HMGB1: variants seen among roughly 807,000 people sequenced by gnomAD.
HMGB1 encodes high mobility group box 1, also known as high mobility group protein B1.
For synonymous variants in HMGB1, 81 were observed against 84.0 expected (o/e 0.96, Z 0.19); for missense variants, 79 against 253.5 (o/e 0.31, Z 4.67).
chr13:30,505,409 A>G (rs1371416882), intron 1 of HMGB1, among the ~76,000 whole-genome samples: 2 of 150,158 alleles, frequency 1.3e-5, no homozygotes, highest in Admixed American at 6.6e-5. Flanking sequence ...CCATCTCCTG[A>G]CCTCGTGATC....
At chr13:30,550,444 A>G (rs372534055) in intron 1 of HMGB1, among the ~76,000 whole-genome samples, 15 of 152,298 alleles carry the variant, frequency 9.8e-5, no homozygotes, top group African/African-American at 3.6e-4. Context: ...CCTCCCTGAC[A>G]TGGTGGGGAG....
At chr13:30,465,653 G>GC (rs1209009190) in intron 1 of HMGB1, 143 bp downstream of exon 1, 16 of 234,512 alleles carry the variant, frequency 6.8e-5, no homozygotes, top group African/African-American at 3.5e-4. Flanking sequence ...CTCGCTCCGT[G>GC]CGCAGTTCCC....
At chr13:30,568,824 G>A (rs944791154) in intron 1 of HMGB1, among the ~76,000 whole-genome samples, 2 of 152,088 alleles carry the variant, frequency 1.3e-5, no homozygotes, top group Non-Finnish European at 2.9e-5. Context: ...AAGCCACCAA[G>A]TTTGTGTGTC....
intron 1 of HMGB1, among the ~76,000 whole-genome samples, chr13:30,527,131 C>T (rs1019493748): frequency 3.3e-5 from 5 of 152,200 alleles, no homozygotes; most frequent in African/African-American, 7.2e-5. Flanking sequence ...GCTGTGCATC[C>T]GGTGCTGAAC....
intron 1 of HMGB1, among the ~76,000 whole-genome samples, chr13:30,494,127 T>C (rs912963076): frequency 1.2e-4 from 18 of 152,186 alleles, no homozygotes; most frequent in Non-Finnish European, 2.1e-4. Flanking sequence ...ACTTCACATT[T>C]CTCCAACTGA....
chr13:30,593,589 A>G (rs1349991953), intron 1 of HMGB1, among the ~76,000 whole-genome samples: 1 of 152,154 alleles, frequency 6.6e-6, no homozygotes, highest in African/African-American at 2.4e-5. Context: ...TACTCTAAAC[A>G]TTTTCTAGGA....
chr13:30,575,178 G>T (rs7334905), intron 1 of HMGB1, among the ~76,000 whole-genome samples: 70,614 of 152,020 alleles, frequency 0.46, 18,831 homozygotes, highest in African/African-American at 0.73. Flanking sequence ...TCATGCTTAT[G>T]TAGTTAGTAA....
At chr13:30,482,953 ATTT>A (rs33960064) in intron 1 of HMGB1, among the ~76,000 whole-genome samples, 1 of 143,078 alleles carries the variant, frequency 7.0e-6, no homozygotes, top group South Asian at 2.3e-4. Flanking sequence ...AACACCAGCT[ATTT>A]TTTTTTTTTT....
chr13:30,550,980 C>T (rs1014056521), intron 1 of HMGB1, among the ~76,000 whole-genome samples: 2 of 152,166 alleles, frequency 1.3e-5, no homozygotes, highest in Non-Finnish European at 2.9e-5. Context: ...TTTAGATTGC[C>T]AGGTAAACCA....
chr13:30,547,551 G>A (rs1593304395), intron 1 of HMGB1, among the ~76,000 whole-genome samples: 2 of 152,180 alleles, frequency 1.3e-5, no homozygotes, highest in African/African-American at 2.4e-5. Flanking sequence ...CTGAGTTTGG[G>A]GTGGTTTGCT....
At chr13:30,615,038 A>G (rs985521539) in intron 1 of HMGB1, among the ~76,000 whole-genome samples, 1 of 152,100 alleles carries the variant, frequency 6.6e-6, no homozygotes, top group Admixed American at 6.6e-5. Flanking sequence ...TAAATTTTAG[A>G]GTCTAATGTA....
intron 1 of HMGB1, among the ~76,000 whole-genome samples, chr13:30,505,379 C>T (rs540122527): frequency 1.3e-3 from 202 of 151,934 alleles, no homozygotes; most frequent in East Asian, 3.7e-3. Context: ...AGGGTTTCAC[C>T]GTGTTAGCCA....
intron 1 of HMGB1, among the ~76,000 whole-genome samples, chr13:30,604,420 G>A (rs562641842): frequency 2.0e-5 from 3 of 152,316 alleles, no homozygotes; most frequent in African/African-American, 7.2e-5. Flanking sequence ...GCAATGTCTG[G>A]TGACATTTCT....
upstream of HMGB1, among the ~76,000 whole-genome samples, chr13:30,466,383 G>A (rs527243638): frequency 6.2e-4 from 94 of 151,852 alleles, no homozygotes; most frequent in Non-Finnish European, 1.2e-3. Flanking sequence ...AAGTGAGGGC[G>A]ACACTATGGG....
At chr13:30,610,099 C>CT (rs535494521) in intron 1 of HMGB1, among the ~76,000 whole-genome samples, 1 of 151,796 alleles carries the variant, frequency 6.6e-6, no homozygotes, top group Non-Finnish European at 1.5e-5. Flanking sequence ...TTCTTAGTAA[C>CT]TTTTTTTCTC....
intron 1 of HMGB1, among the ~76,000 whole-genome samples, chr13:30,512,388 A>G (rs894978940): frequency 5.3e-5 from 8 of 152,184 alleles, no homozygotes; most frequent in Admixed American, 2.0e-4. Flanking sequence ...AGTAGGCAAC[A>G]CCCATCTGTT....
intron 1 of HMGB1, among the ~76,000 whole-genome samples, chr13:30,538,522 TC>T (rs1371683229): frequency 3.8e-5 from 5 of 132,464 alleles, no homozygotes; most frequent in African/African-American, 1.1e-4. Context: ...TTTCTTTCTT[TC>T]CTTTCTTTCT....
chr13:30,462,752 T>G (rs540146818), intron 3 of HMGB1, 40 bp from the exon 4 acceptor site: 1 of 1,537,156 alleles, frequency 6.5e-7, no homozygotes, highest in South Asian at 1.1e-5. Flanking sequence ...AGTTAACAGA[T>G]CACAAAAACA....
At chr13:30,612,262 AAAAC>A (rs368719729) in intron 1 of HMGB1, among the ~76,000 whole-genome samples, 101 of 151,708 alleles carry the variant, frequency 6.7e-4, no homozygotes, top group African/African-American at 2.3e-3. Flanking sequence ...TGCTATGAGG[AAAAC>A]AAACAGGTGG....
Sources: gnomAD v4.1 joint callset for allele counts (sites outside exome capture counted in the v4.1 genomes callset) on GRCh38, gnomAD v4.1.1 for gene constraint, MANE v1.5 for transcripts, NCBI Gene and HGNC (gene_info 2026-07-23, HGNC 2026-07-21) for gene names.